Variants in EEF2 observed in about 807,000 individuals in gnomAD.
EEF2 encodes the protein elongation factor 2.
Under a neutral mutation model 85.3 loss-of-function variants are expected in EEF2, and 21 were observed. That is an observed-to-expected ratio of 0.25 (90% CI 0.17 to 0.35). The LOEUF (loss-of-function observed/expected upper bound fraction) is 0.35, where lower values mean the gene tolerates loss of function less well. EEF2 is among the 10% of genes least tolerant of loss of function. The probability of loss-of-function intolerance (pLI) is 1.00; values close to 1 mark genes in which losing one functional copy is unlikely to be tolerated. For synonymous variants in EEF2, 723 were observed against 508.8 expected (o/e 1.42, Z -5.67); for missense variants, 825 against 1,225.3 (o/e 0.67, Z 4.88).
intron 7 of EEF2, 116 bp from the exon 8 acceptor site, chr19:3,981,095 A>C: frequency 6.9e-7 from 1 of 1,446,500 alleles, no homozygotes; most frequent in East Asian, 2.5e-5. Context: ...CGTTCTCCAA[A>C]GCACAGTCCC....
rs748262743 is a variant in EEF2 at position 3,982,811 on chromosome 19, A to G, written c.608T>C (p.Ile203Thr). 1 of 1,610,430 alleles carries G rather than the reference A, an allele frequency of 6.2e-7. No homozygotes were observed. The highest frequency in any genetic ancestry group is 1.7e-5 in the Admixed American group (1 of 59,786). The change falls in exon 4 of 15, where the codon ATC (isoleucine) becomes ACC (threonine). Residue 203 changes from isoleucine (I) to threonine (T), a missense_variant. Transcript: ENST00000309311. ...GEGESGPMGN[I>T]MIDPVLGTVG... ...CCCAGCTAGGGAGGGCCGTACCATG[A>G]TGTTGCCCATGGGGCCGCTCTCGCC...
At chr19:3,981,074 G>C (rs1350023045) in intron 7 of EEF2, 95 bp from the exon 8 acceptor site, 5 of 1,485,664 alleles carry the variant, frequency 3.4e-6, no homozygotes, top group Admixed American at 2.2e-5. Flanking sequence ...GGAAGCCAAA[G>C]TCAGGACTAA....
At chr19:3,981,234 G>C (rs905951864) in intron 7 of EEF2, 105 bp downstream of exon 7, 10 of 1,202,674 alleles carry the variant, frequency 8.3e-6, no homozygotes, top group Non-Finnish European at 1.2e-5. Flanking sequence ...GGCAGCAGCT[G>C]TCCCTGCCCA....
In EEF2 at chr19:3,976,344, G is replaced by A. The variant is rs1018295819; in HGVS notation, c.*210C>T. 51 of 523,328 alleles carry A rather than the reference G, an allele frequency of 9.7e-5. No homozygotes were observed. The highest frequency in any genetic ancestry group is 6.5e-4 in the African/African-American group (33 of 50,694). The allele number at this position is 523,328 out of a possible 1,614,324, so 32.4% of individuals were successfully genotyped here. On this transcript the variant is annotated 3_prime_UTR_variant, in exon 15 of 15. Coordinates refer to ENST00000309311, the MANE Select transcript of EEF2 (RefSeq NM_001961.4). ...CCCATTAAGTCCCTACTAAGAGGGC[G>A]TGTCTGCTGCCTCCGGACTCTGGAA...
In EEF2 at chr19:3,977,564, T is replaced by C; in HGVS notation, c.2114A>G (p.His705Arg). The C allele has an allele frequency of 6.4e-7, 1 of 1,573,194 alleles. No individual in the cohort carries two copies. The highest frequency in any genetic ancestry group is 1.7e-4 in the Middle Eastern group (1 of 5,858). Reference protein sequence around the residue: ...ENMRGVRFDVHDVTLHADAIH... With the variant: ...ENMRGVRFDVRDVTLHADAIH... ...GGCGTCGGCGTGCAGGGTGACGTCG[T>C]GGACGTCGAAGCGCACACCCCGCAT... is the stretch of plus-strand genomic sequence containing the variant. The change falls in exon 13 of 15, where the codon CAC becomes CGC. Residue 705 changes from histidine to arginine, a missense_variant. His to Arg is a conservative substitution (Grantham distance 29). Transcript: ENST00000309311. The surrounding 1 kb of genome is among the most constrained non-coding windows in gnomAD (Gnocchi z 5.4).
chr19:3,982,134 T>A (rs1314599568), intron 5 of EEF2, 82 bp from the exon 6 acceptor site: 2 of 1,598,794 alleles, frequency 1.3e-6, no homozygotes, highest in Admixed American at 3.3e-5. Flanking sequence ...GGGACATGCT[T>A]GGGCAAGACC....
At chr19:3,982,173 C>T (rs2039757935) in intron 5 of EEF2, 73 bp downstream of exon 5, 2 of 1,601,436 alleles carry the variant, frequency 1.2e-6, no homozygotes, top group Non-Finnish European at 8.5e-7. Context: ...CTGTGAATAG[C>T]ACACCACGCC....
At chr19:3,984,637 TAA>T (rs1484499634) in intron 1 of EEF2, among the ~76,000 whole-genome samples, 2 of 152,180 alleles carry the variant, frequency 1.3e-5, no homozygotes, top group Non-Finnish European at 2.9e-5. Context: ...GTACAAATAC[TAA>T]AGTCTCATTT....
intron 2 of EEF2, 170 bp downstream of exon 2, chr19:3,983,966 G>T (rs1001339354): frequency 2.4e-5 from 17 of 699,186 alleles, no homozygotes; most frequent in African/African-American, 7.2e-5. Context: ...CCGAATCCCT[G>T]TGCCTCTCCA....
At position 3,977,267 on chromosome 19, in the gene EEF2, G is replaced by A. The variant is rs533090086; in HGVS notation, c.2331C>T (p.Ala777=). ...CCTTGACCACAAACATGGGGGTGCC[G>A]GCCACCTGGGACTCCTCGAACACGT... ...RGHVFEESQV[A]GTPMFVVKAY... The change falls in exon 14 of 15, where the codon GCC becomes GCT. Residue 777 remains alanine (A), a synonymous_variant. Coordinates refer to ENST00000309311, the MANE Select transcript of EEF2 (RefSeq NM_001961.4). This position sits in a 1 kb window ranked among gnomAD's most constrained non-coding sequence, Gnocchi z 5.4. The A allele has an allele frequency of 1.4e-4, 223 of 1,612,634 alleles. 2 individuals are homozygous for A. Among genetic ancestry groups the A allele is most frequent in the Middle Eastern group, 8.3e-4 (5 of 6,058 alleles).
chr19:3,980,648 G>A lies in EEF2; in HGVS notation c.1212C>T (p.Thr404=). 2 of 1,614,222 alleles carry A rather than the reference G, an allele frequency of 1.2e-6. No individual in the cohort carries two copies. Among genetic ancestry groups the A allele is most frequent in the South Asian group, 1.1e-5 (1 of 91,088 alleles). The change falls in exon 9 of 15, where the codon ACC becomes ACT. Residue 404 remains threonine (T), a synonymous_variant. Coordinates refer to ENST00000309311, the MANE Select transcript of EEF2 (RefSeq NM_001961.4). ...LMMYISKMVP[T]SDKGRFYAFG... ...AGGCGTAGAACCGACCTTTGTCGGA[G>A]GTTGGCACCATTTTGGAAATATACA...
At chr19:3,983,792 C>T (rs1443187063) in intron 2 of EEF2, 2 of 384,668 alleles carry the variant, frequency 5.2e-6, no homozygotes, top group South Asian at 2.7e-5. Flanking sequence ...TCATCCAGTG[C>T]AACACAGGAG....
chr19:3,980,365 C>G (rs561762409), intron 9 of EEF2, 149 bp downstream of exon 9: 12 of 1,089,532 alleles, frequency 1.1e-5, no homozygotes, highest in Admixed American at 2.9e-5. Context: ...CCTCACTGGG[C>G]TAAGAACAAA....
At chr19:3,982,537 C>T (rs770107993) in intron 4 of EEF2, 113 bp from the exon 5 acceptor site, 1 of 1,366,784 alleles carries the variant, frequency 7.3e-7, no homozygotes, top group Non-Finnish European at 1.0e-6. Context: ...CAGTAGACAT[C>T]TGGTCAAAGT....
At position 3,976,284 on chromosome 19, in the gene EEF2, TG is replaced by T. The variant is rs550775434; in HGVS notation, c.*269del. The T allele has an allele frequency of 1.1e-5, 5 of 441,652 alleles. No homozygotes were observed. Among genetic ancestry groups the T allele is most frequent in the Non-Finnish European group, 2.0e-5 (5 of 246,334 alleles). The allele number at this position is 441,652 out of a possible 1,614,324, so 27.4% of individuals were successfully genotyped here. On this transcript the variant is annotated 3_prime_UTR_variant, in exon 15 of 15. Coordinates refer to ENST00000309311, the MANE Select transcript of EEF2 (RefSeq NM_001961.4). ...CCCTCTGAAGAAATGGAAAAAGTGT[TG>T]GGTGTCCCATCCCGCCTCCCCCTCC... is the stretch of plus-strand genomic sequence containing the variant.
At chr19:3,979,571 C>G in intron 10 of EEF2, 135 bp from the exon 11 acceptor site, 1 of 943,234 alleles carries the variant, frequency 1.1e-6, no homozygotes, top group South Asian at 1.6e-5. Flanking sequence ...GGGACCAGCA[C>G]AAACTCCTGA....
At chr19:3,979,604 TAC>T (rs1176495597) in intron 10 of EEF2, 168 bp from the exon 11 acceptor site, 1 of 940,890 alleles carries the variant, frequency 1.1e-6, no homozygotes, top group Non-Finnish European at 1.6e-6. Flanking sequence ...TCCCACAAGC[TAC>T]AGTGAACACG....
rs74724893 is a variant in EEF2 at position 3,976,762 on chromosome 19, G to A, written c.2384-15C>T. On this transcript the variant is annotated splice_polypyrimidine_tract_variant and intron_variant, in intron 14 of 14. Coordinates refer to ENST00000309311, the MANE Select transcript of EEF2 (RefSeq NM_001961.4). ...AGCGGTGAAGCCTGCAGAGGGAAGC[G>A]AGAGGCTCACTGGGCCATCGAGAAG... The A allele has an allele frequency of 6.7e-3, 10,266 of 1,538,646 alleles. 49 individuals carry two copies. The highest frequency in any genetic ancestry group is 0.015 in the East Asian group (677 of 43,842).
chr19:3,982,555 T>G (rs201653489), intron 4 of EEF2, 131 bp from the exon 5 acceptor site: 27 of 1,283,942 alleles, frequency 2.1e-5, no homozygotes, highest in Non-Finnish European at 3.0e-5. Flanking sequence ...AGTGAAGAAA[T>G]GATCAGTCAT....
Sources: gnomAD v4.1 joint callset for allele counts (sites outside exome capture counted in the v4.1 genomes callset) on GRCh38, gnomAD v4.1.1 for gene constraint, Gnocchi (gnomAD v3.1) non-coding constraint, MANE v1.5 for transcripts, NCBI Gene and HGNC (gene_info 2026-07-23, HGNC 2026-07-21) for gene names.